PLXDC1: variants seen among roughly 807,000 people sequenced by gnomAD.
The protein encoded by PLXDC1 is plexin domain-containing protein 1.
Under a neutral mutation model 61.3 loss-of-function variants are expected in PLXDC1, and 39 were observed. That is an observed-to-expected ratio of 0.64 (90% CI 0.49 to 0.83). The LOEUF is 0.83. Ranked by LOEUF, PLXDC1 falls within the 40% of genes least tolerant of loss-of-function variation. The probability of loss-of-function intolerance (pLI) is 0.00; values close to 1 mark genes in which losing one functional copy is unlikely to be tolerated. For synonymous variants in PLXDC1, 212 were observed against 254.5 expected (o/e 0.83, Z 1.59); for missense variants, 596 against 666.5 (o/e 0.89, Z 1.17).
intron 7 of PLXDC1, among the ~76,000 whole-genome samples, chr17:39,104,027 A>C (rs1486071565): frequency 6.6e-6 from 1 of 152,186 alleles, no homozygotes; most frequent in Non-Finnish European, 1.5e-5. Context: ...CGACACCAGC[A>C]TGAGGACACT....
chr17:39,120,940 T>C (rs1911144996), intron 2 of PLXDC1, among the ~76,000 whole-genome samples: 1 of 152,148 alleles, frequency 6.6e-6, no homozygotes, highest in Non-Finnish European at 1.5e-5. Flanking sequence ...TATAATTTTG[T>C]ATTTTTAGTA....
chr17:39,142,864 G>A (rs978737852), intron 1 of PLXDC1, among the ~76,000 whole-genome samples: 3 of 152,192 alleles, frequency 2.0e-5, no homozygotes, highest in East Asian at 1.9e-4. Flanking sequence ...AAGGCCGGGC[G>A]TGGTGGCTCA....
intron 2 of PLXDC1, among the ~76,000 whole-genome samples, chr17:39,116,774 C>T (rs1484530117): frequency 1.3e-5 from 2 of 152,232 alleles, no homozygotes; most frequent in Admixed American, 6.5e-5. Context: ...ATCCTCGTGT[C>T]ATCAGGACAT....
intron 12 of PLXDC1, among the ~76,000 whole-genome samples, chr17:39,070,917 G>A (rs549732468): frequency 6.6e-6 from 1 of 152,336 alleles, no homozygotes; most frequent in Admixed American, 6.5e-5. Context: ...GGCGGAGGTT[G>A]CAGTGAGCCG....
In PLXDC1 at chr17:39,122,610, G is replaced by A. The variant is rs142029597; in HGVS notation, c.256-13219C>T. Among the ~76,000 whole-genome samples, 380 of 152,220 alleles carry A rather than the reference G, an allele frequency of 2.5e-3. 9 individuals are homozygous for A. The East Asian group carries it at 0.04, about 16-fold the overall frequency. On this transcript the variant is annotated intron_variant, in intron 2 of 13. Coordinates refer to ENST00000315392, the MANE Select transcript of PLXDC1 (RefSeq NM_020405.5). The stretch of plus-strand genomic sequence containing the variant: ...TTGATGTGCCTCTTAAAAAGGATGC[G>A]GAGACCTTGCCTGGCAGTGAACCTT...
chr17:39,131,216 A>G (rs551548367), intron 2 of PLXDC1, among the ~76,000 whole-genome samples: 1 of 152,298 alleles, frequency 6.6e-6, no homozygotes, highest in Admixed American at 6.5e-5. Flanking sequence ...GCCCAAGGCT[A>G]TGCAGCTGGT....
rs1341582236 is a variant in PLXDC1 at position 39,140,755 on chromosome 17, C to G, written c.77-923G>C. 2.0e-5 allele frequency among the ~76,000 whole-genome samples: 3 copies of G among 152,204 alleles called. No homozygotes were observed. The East Asian group carries it at 5.8e-4, about 29-fold the overall frequency. Reference sequence around the variant, plus strand: ...ACATAATCCTATTTCCCAGTGGGGTCAGGGGACTAGAAGCCAGAGTTCTTT... The same window carrying G: ...ACATAATCCTATTTCCCAGTGGGGTGAGGGGACTAGAAGCCAGAGTTCTTT... On this transcript the variant is annotated intron_variant, in intron 1 of 13. Coordinates refer to ENST00000315392, the MANE Select transcript of PLXDC1 (RefSeq NM_020405.5).
chr17:39,072,731 C>T, intron 11 of PLXDC1: 1 of 546,678 alleles, frequency 1.8e-6, no homozygotes, highest in Admixed American at 3.0e-5. Context: ...GCCTGGAGAG[C>T]AATAGGAGGC....
intron 1 of PLXDC1, among the ~76,000 whole-genome samples, chr17:39,141,165 G>A (rs529338334): frequency 2.0e-5 from 3 of 152,136 alleles, no homozygotes; most frequent in Non-Finnish European, 2.9e-5. Flanking sequence ...AAGTAGCTGG[G>A]ACTATAGGCA....
chr17:39,118,149 TCTTC>T (rs1911051156), intron 2 of PLXDC1, among the ~76,000 whole-genome samples: 1 of 137,816 alleles, frequency 7.3e-6, no homozygotes, highest in Non-Finnish European at 1.6e-5. Context: ...CCTCTCAATC[TCTTC>T]CTTCCTTTCT....
chr17:39,070,972 C>T (rs556316161), intron 12 of PLXDC1, among the ~76,000 whole-genome samples: 18 of 152,156 alleles, frequency 1.2e-4, no homozygotes, highest in Admixed American at 6.5e-4. Context: ...AGTGAGACTC[C>T]GTCTCAAACA....
intron 2 of PLXDC1, among the ~76,000 whole-genome samples, chr17:39,121,320 C>T (rs1240444745): frequency 1.3e-5 from 2 of 151,832 alleles, no homozygotes; most frequent in African/African-American, 4.9e-5. Context: ...CTTCTGCTTC[C>T]CTAAAATGTA....
chr17:39,086,307 T>TAAAGGGTCCCAGCCCTGTGACCCCC, intron 8 of PLXDC1, among the ~76,000 whole-genome samples: 1 of 151,374 alleles, frequency 6.6e-6, no homozygotes, highest in South Asian at 2.1e-4. Flanking sequence ...CTGTGACCCC[T>TAAAGGGTCCCAGCCCTGTGACCCCC]AAAGTGTCCC....
chr17:39,104,549 C>G (rs1778545208), intron 7 of PLXDC1, among the ~76,000 whole-genome samples: 1 of 152,026 alleles, frequency 6.6e-6, no homozygotes, highest in Non-Finnish European at 1.5e-5. Context: ...TTTGGGATGC[C>G]AAGATGGGAG....
chr17:39,151,487 G>A lies in PLXDC1; in HGVS notation c.-50C>T. On this transcript the variant is annotated 5_prime_UTR_variant, in exon 1 of 14. Coordinates refer to ENST00000315392, the MANE Select transcript of PLXDC1 (RefSeq NM_020405.5). This position sits in a 1 kb window ranked among gnomAD's most constrained non-coding sequence, Gnocchi z 5.2. ...GCCTGCTTGCTGCCCCGGTCCTGAC[G>A]AGGGAGGGGGCCCTGGCTCAGGCTG... is the stretch of plus-strand genomic sequence containing the variant. 1 of 1,235,222 alleles carries A rather than the reference G, an allele frequency of 8.1e-7. No individual in the cohort carries two copies. The highest frequency in any genetic ancestry group is 1.0e-6 in the Non-Finnish European group (1 of 988,720). The allele number at this position is 1,235,222 out of a possible 1,614,324, so 76.5% of individuals were successfully genotyped here.
At chr17:39,083,382 G>T in intron 9 of PLXDC1, 77 bp downstream of exon 9, 1 of 1,110,990 alleles carries the variant, frequency 9.0e-7, no homozygotes, top group Non-Finnish European at 1.4e-6. Flanking sequence ...GGGCAGTGAG[G>T]CCAGGACGGG....
At chr17:39,087,277 C>T (rs1319445217) in intron 8 of PLXDC1, among the ~76,000 whole-genome samples, 2 of 152,182 alleles carry the variant, frequency 1.3e-5, no homozygotes, top group African/African-American at 2.4e-5. Context: ...TCAGTCTAGG[C>T]GTTCTCAGAG....
In PLXDC1 at chr17:39,139,663, G is replaced by C. The variant is rs778700508; in HGVS notation, c.246C>G (p.Thr82=). The C allele has an allele frequency of 6.2e-7, 1 of 1,610,622 alleles. No homozygotes were observed. The highest frequency in any genetic ancestry group is 8.5e-7 in the Non-Finnish European group (1 of 1,178,470). The change falls in exon 2 of 14, where the codon ACC becomes ACG. Residue 82 remains threonine, a synonymous_variant. Coordinates refer to ENST00000315392, the MANE Select transcript of PLXDC1 (RefSeq NM_020405.5). ...TTCCTCCAGCACTCACCACCACCCT[G>C]GTCCTGTTATCTGGCAGCGTGTCCA... ...LAMDTLPDNR[T]RVVEDNHSYY... is the part of the protein sequence containing the mutation.
chr17:39,139,927 A>G, intron 1 of PLXDC1, 95 bp from the exon 2 acceptor site: 1 of 1,208,362 alleles, frequency 8.3e-7, no homozygotes, highest in Non-Finnish European at 1.1e-6. Context: ...CCCCAACACC[A>G]TGCCACTGTA....
Sources: gnomAD v4.1 joint callset for allele counts (sites outside exome capture counted in the v4.1 genomes callset) on GRCh38, gnomAD v4.1.1 for gene constraint, Gnocchi (gnomAD v3.1) non-coding constraint, MANE v1.5 for transcripts, NCBI Gene and HGNC (gene_info 2026-07-23, HGNC 2026-07-21) for gene names.